The following KCNH7 variants were observed in gnomAD, a reference collection of about 807,000 sequenced individuals.
KCNH7 encodes potassium voltage-gated channel subfamily H member 7.
In KCNH7, 49 loss-of-function variants were observed where a neutral mutation model predicts 120.8. The observed-to-expected ratio is 0.41, with a 90% confidence interval of 0.32 to 0.51. The LOEUF is 0.51. Ranked by LOEUF, KCNH7 falls within the 20% of genes least tolerant of loss-of-function variation. The pLI, the probability that KCNH7 is intolerant of heterozygous loss-of-function variation, is 0.38. For missense variants in KCNH7, 1,097 were observed against 1,446.6 expected, an observed-to-expected ratio of 0.76 and a Z score of 3.92; for synonymous variants, 547 against 516.1, an observed-to-expected ratio of 1.06 and a Z score of -0.81.
intron 2 of KCNH7, among the ~76,000 whole-genome samples, chr2:162,547,240 T>C (rs1692511423): frequency 6.6e-6 from 1 of 152,122 alleles, no homozygotes; most frequent in Admixed American, 6.5e-5. Flanking sequence ...TAATCCAATC[T>C]CTTCCCACCA....
intron 2 of KCNH7, among the ~76,000 whole-genome samples, chr2:162,832,757 C>CA (rs1685520766): frequency 6.6e-6 from 1 of 151,934 alleles, no homozygotes; most frequent in Non-Finnish European, 1.5e-5. Flanking sequence ...CACCTTGATT[C>CA]ACAAAAACAC....
At chr2:162,564,648 C>T (rs1430563939) in intron 2 of KCNH7, among the ~76,000 whole-genome samples, 2 of 152,054 alleles carry the variant, frequency 1.3e-5, no homozygotes, top group Non-Finnish European at 2.9e-5. Flanking sequence ...TTATGCATGA[C>T]CTTGACCACT....
intron 6 of KCNH7, among the ~76,000 whole-genome samples, chr2:162,455,562 G>T (rs1472013964): frequency 6.6e-6 from 1 of 152,078 alleles, no homozygotes; most frequent in Non-Finnish European, 1.5e-5. Flanking sequence ...AAATCCGTCT[G>T]GTCCTGGGCT....
At chr2:162,488,842 C>T (rs558197267) in intron 6 of KCNH7, among the ~76,000 whole-genome samples, 3 of 152,180 alleles carry the variant, frequency 2.0e-5, no homozygotes, top group Non-Finnish European at 4.4e-5. Flanking sequence ...CGACACCTTG[C>T]CCGGCATAAC....
At chr2:162,394,986 A>G (rs1347696679) in intron 11 of KCNH7, among the ~76,000 whole-genome samples, 1 of 151,862 alleles carries the variant, frequency 6.6e-6, no homozygotes, top group Non-Finnish European at 1.5e-5. Context: ...GATCTTTATG[A>G]TAATCTACTC....
intron 6 of KCNH7, among the ~76,000 whole-genome samples, chr2:162,479,614 T>C (rs1023195094): frequency 6.6e-6 from 1 of 151,960 alleles, no homozygotes; most frequent in African/African-American, 2.4e-5. Context: ...TGATGTCTCC[T>C]AAGATAGAGG....
intron 2 of KCNH7, among the ~76,000 whole-genome samples, chr2:162,546,843 A>C (rs1468167327): frequency 6.6e-6 from 1 of 150,648 alleles, no homozygotes; most frequent in Non-Finnish European, 1.5e-5. Flanking sequence ...AAAAACAGGG[A>C]TCTTTTATTT....
chr2:162,410,848 A>G (rs1687371622), intron 9 of KCNH7, among the ~76,000 whole-genome samples: 1 of 152,128 alleles, frequency 6.6e-6, no homozygotes, highest in East Asian at 1.9e-4. Context: ...ATATGAAAAA[A>G]TGTTTATCAT....
At chr2:162,752,980 A>G (rs1157930553) in intron 2 of KCNH7, among the ~76,000 whole-genome samples, 33 of 126,842 alleles carry the variant, frequency 2.6e-4, no homozygotes, top group African/African-American at 1.2e-3. Flanking sequence ...AAAGAAAAGA[A>G]AAGAAAAGAA....
chr2:162,833,577 G>T (rs1354773384), intron 2 of KCNH7, among the ~76,000 whole-genome samples: 3 of 152,070 alleles, frequency 2.0e-5, no homozygotes, highest in African/African-American at 7.2e-5. Flanking sequence ...AATCCTCAAA[G>T]GAAGAGCTGT....
chr2:162,805,496 T>G (rs1684506425), intron 2 of KCNH7, among the ~76,000 whole-genome samples: 1 of 152,116 alleles, frequency 6.6e-6, no homozygotes. Flanking sequence ...TCAATATCAC[T>G]TATCATCAGG....
At chr2:162,812,921 G>A (rs535577022) in intron 2 of KCNH7, among the ~76,000 whole-genome samples, 2 of 152,120 alleles carry the variant, frequency 1.3e-5, no homozygotes, top group East Asian at 3.9e-4. Context: ...GTTTCACTGG[G>A]ATGGCTAGAA....
chr2:162,378,811 G>A (rs1244138507), intron 14 of KCNH7, among the ~76,000 whole-genome samples: 1 of 152,204 alleles, frequency 6.6e-6, no homozygotes, highest in Admixed American at 6.5e-5. Context: ...GAGCTGGCTA[G>A]TTGGAAAGTC....
chr2:162,435,706 G>T, intron 7 of KCNH7, 109 bp from the exon 8 acceptor site: 1 of 1,028,820 alleles, frequency 9.7e-7, no homozygotes. Context: ...TAGCATTAAG[G>T]ATAACTGCCT....
chr2:162,484,109 C>T (rs963880314), intron 6 of KCNH7, among the ~76,000 whole-genome samples: 1 of 151,956 alleles, frequency 6.6e-6, no homozygotes, highest in Non-Finnish European at 1.5e-5. Flanking sequence ...ACTTGGATGA[C>T]TAGAATTAGT....
chr2:162,643,421 T>C (rs1278231736), intron 2 of KCNH7, among the ~76,000 whole-genome samples: 1 of 152,194 alleles, frequency 6.6e-6, no homozygotes, highest in Non-Finnish European at 1.5e-5. Flanking sequence ...AATTAAAGTA[T>C]AAATATTAGG....
chr2:162,738,198 G>T (rs1291604419), intron 2 of KCNH7, among the ~76,000 whole-genome samples: 3 of 151,082 alleles, frequency 2.0e-5, no homozygotes, highest in African/African-American at 7.4e-5. Flanking sequence ...CAAGTCATTG[G>T]TCATGTTCTG....
intron 3 of KCNH7, among the ~76,000 whole-genome samples, chr2:162,529,210 T>C (rs922890839): frequency 1.3e-5 from 2 of 151,988 alleles, no homozygotes; most frequent in African/African-American, 4.8e-5. Flanking sequence ...ACAATGAGTT[T>C]GCCTAAGCAG....
At chr2:162,509,761 TCA>T (rs1156845387) in intron 5 of KCNH7, among the ~76,000 whole-genome samples, 16 of 151,714 alleles carry the variant, frequency 1.1e-4, no homozygotes, top group African/African-American at 2.7e-4. Context: ...TTCATTTATT[TCA>T]TTTATGAGTC....
Sources: allele counts gnomAD v4.1 joint callset (sites outside exome capture counted in the v4.1 genomes callset), GRCh38; gene constraint gnomAD v4.1.1; transcripts MANE v1.5; gene names NCBI Gene and HGNC (gene_info 2026-07-23, HGNC 2026-07-21).